Variants in TRMT44 observed in about 807,000 individuals in gnomAD.
The protein encoded by TRMT44 is tRNA methyltransferase 44 homolog.
In TRMT44, 78 loss-of-function variants were observed where a neutral mutation model predicts 77.3. That is an observed-to-expected ratio of 1.01 (90% CI 0.84 to 1.22). The LOEUF is 1.22. Ranked by LOEUF, TRMT44 falls within the 50% of genes most tolerant of loss-of-function variation. The pLI is 0.00. For missense variants in TRMT44, 1,090 were observed against 964.4 expected, an observed-to-expected ratio of 1.13 and a Z score of -1.73; for synonymous variants, 391 against 383.3, an observed-to-expected ratio of 1.02 and a Z score of -0.23.
At chr4:8,483,322 T>C (rs111508022) in intron 2 of TRMT44, among the ~76,000 whole-genome samples, 3,494 of 152,128 alleles carry the variant, frequency 0.023, 70 homozygotes, top group African/African-American at 0.054. Flanking sequence ...CAGTGTAAAC[T>C]GGCAGTGTAA....
intron 1 of TRMT44, among the ~76,000 whole-genome samples, chr4:8,441,847 A>G (rs1724732364): frequency 6.6e-6 from 1 of 152,210 alleles, no homozygotes; most frequent in Non-Finnish European, 1.5e-5. Flanking sequence ...CAATTGCAAA[A>G]TGGAGGCTGC....
At chr4:8,513,722 G>GT in the TRMT44 span, among the ~76,000 whole-genome samples, 1 of 152,110 alleles carries the variant, frequency 6.6e-6, no homozygotes, top group African/African-American at 2.4e-5. Flanking sequence ...ATGGATAAAG[G>GT]TTTTTAAAAA....
chr4:8,497,381 C>T (rs191688718), downstream of TRMT44, among the ~76,000 whole-genome samples: 121 of 152,230 alleles, frequency 7.9e-4, no homozygotes, highest in African/African-American at 2.0e-3. Flanking sequence ...CACGGTGGCT[C>T]ACGCCTGTAA....
chr4:8,440,843 C>G lies in TRMT44; in HGVS notation c.21C>G (p.Thr7=), dbSNP rs1392835462. ...CTGCCATGGCTGAGGTGGGCCGTAC[C>G]GGGATCAGCTACCCAGGCGCGCTTC... is the stretch of plus-strand genomic sequence containing the variant. MAEVGR[T]GISYPGALLP... The change falls in exon 1 of 11, where the codon ACC becomes ACG. Residue 7 remains threonine, a synonymous_variant. Transcript: ENST00000389737. The G allele has an allele frequency of 1.3e-6, 2 of 1,507,120 alleles. No homozygotes were observed. The highest frequency in any genetic ancestry group is 2.1e-5 in the Admixed American group (1 of 48,578). The allele number at this position is 1,507,120 out of a possible 1,614,324, so 93.4% of individuals were successfully genotyped here.
At chr4:8,471,058 GAAAA>G (rs752333810) in intron 9 of TRMT44, 22 bp from the exon 10 acceptor site, 2 of 1,333,828 alleles carry the variant, frequency 1.5e-6, no homozygotes, top group African/African-American at 1.5e-5. Flanking sequence ...TTGTTTTGGG[GAAAA>G]AAAAAACCCG....
chr4:8,441,608 G>C (rs1408711997), intron 1 of TRMT44, among the ~76,000 whole-genome samples, 167 bp downstream of exon 1: 3 of 152,344 alleles, frequency 2.0e-5, no homozygotes, highest in South Asian at 2.1e-4. Context: ...TGTGTCCTTA[G>C]TACAGAAGAT....
chr4:8,465,163 A>G (rs1726440885), intron 7 of TRMT44, among the ~76,000 whole-genome samples: 1 of 152,206 alleles, frequency 6.6e-6, no homozygotes, highest in East Asian at 1.9e-4. Flanking sequence ...AAACCTCAGC[A>G]TCTTGCAGTA....
downstream of TRMT44, chr4:8,479,220 C>T (rs368819433): frequency 1.3e-5 from 2 of 151,420 alleles, no homozygotes; most frequent in East Asian, 3.9e-4. Flanking sequence ...GACTTGCCCC[C>T]AGCTCATTTC....
chr4:8,452,058 G>C lies in TRMT44; in HGVS notation c.1023+30G>C. ...GGGTGTAAGCGACCTCAGCTTCTCT[G>C]GAGTGGGTGGAGTTTGCTACAGGCA... On this transcript the variant is annotated intron_variant, in intron 4 of 10. Coordinates refer to ENST00000389737, the MANE Select transcript of TRMT44 (RefSeq NM_152544.3). The surrounding 1 kb of genome is among the most constrained non-coding windows in gnomAD (Gnocchi z 5.7). The C allele has an allele frequency of 1.3e-6, 2 of 1,525,826 alleles. No individual in the cohort carries two copies. The highest frequency in any genetic ancestry group is 1.8e-6 in the Non-Finnish European group (2 of 1,137,324). 94.5% of individuals were successfully genotyped at this position (1,525,826 alleles called of 1,614,324 possible). A position where few individuals can be genotyped will look rare whatever the true frequency, so the allele number is the denominator to read the frequency against.
intron 6 of TRMT44, among the ~76,000 whole-genome samples, chr4:8,463,509 A>G (rs956436278): frequency 1.3e-5 from 2 of 151,804 alleles, no homozygotes; most frequent in Admixed American, 6.6e-5. Flanking sequence ...TTCTCTGTCT[A>G]TTCATAGACT....
intron 6 of TRMT44, 143 bp downstream of exon 6, chr4:8,454,956 A>G: frequency 1.3e-6 from 1 of 781,620 alleles, no homozygotes; most frequent in Non-Finnish European, 2.1e-6. Flanking sequence ...CTCTGAAATT[A>G]GAGAAGAGAA....
the TRMT44 span, among the ~76,000 whole-genome samples, chr4:8,510,107 C>G: frequency 0.017 from 2,557 of 152,240 alleles, 28 homozygotes; most frequent in Non-Finnish European, 0.027. Context: ...GCAGCTACAA[C>G]AAATCACCAG....
chr4:8,482,066 G>A (rs547444391), intron 2 of TRMT44, among the ~76,000 whole-genome samples: 2 of 152,352 alleles, frequency 1.3e-5, no homozygotes, highest in East Asian at 1.9e-4. Context: ...GGTCTGCAAA[G>A]CTTTTGCTAA....
chr4:8,494,312 C>T (rs1214911786), downstream of TRMT44, among the ~76,000 whole-genome samples: 1 of 152,170 alleles, frequency 6.6e-6, no homozygotes, highest in South Asian at 2.1e-4. Flanking sequence ...ATTTCACCCT[C>T]ACAATGTAAA....
Position 8,483,341 on chromosome 4 carries a change from A to T in TRMT44, n.3891+3808A>T, listed in dbSNP as rs528750665. ...GTAAACTGGCAGTGTAAACAAGAGC[A>T]GGGCATGTATGAGTAGTTGAGAACG... is the stretch of plus-strand genomic sequence containing the variant. On this transcript the variant is annotated intron_variant and non_coding_transcript_variant, in intron 2 of 2. Coordinates refer to the TRMT44 transcript ENST00000511366. 1.8e-4 allele frequency among the ~76,000 whole-genome samples: 27 copies of T among 152,222 alleles called. No individual in the cohort carries two copies. In the South Asian group the frequency reaches 5.4e-3, roughly 30 times the overall value.
At chr4:8,484,359 G>A (rs182481803) in intron 2 of TRMT44, among the ~76,000 whole-genome samples, 22 of 152,272 alleles carry the variant, frequency 1.4e-4, no homozygotes, top group Admixed American at 1.2e-3. Flanking sequence ...TGAAGGAGCC[G>A]GAGAGCAGAA....
At chr4:8,514,895 G>A in the TRMT44 span, among the ~76,000 whole-genome samples, 2 of 152,338 alleles carry the variant, frequency 1.3e-5, no homozygotes, top group South Asian at 2.1e-4. Context: ...GAGGAGACAG[G>A]GTGTGGAGCC....
downstream of TRMT44, among the ~76,000 whole-genome samples, chr4:8,496,759 G>A (rs1306339085): frequency 2.0e-5 from 3 of 151,864 alleles, no homozygotes; most frequent in South Asian, 2.1e-4. Context: ...CGCCTCTAGG[G>A]TAATTAGGAG....
At chr4:8,483,621 G>C (rs1727704544) in intron 2 of TRMT44, among the ~76,000 whole-genome samples, 1 of 152,178 alleles carries the variant, frequency 6.6e-6, no homozygotes, top group South Asian at 2.1e-4. Flanking sequence ...GTTTTTAAAA[G>C]ACCATTAGTC....
Sources: gnomAD v4.1 joint callset for allele counts (sites outside exome capture counted in the v4.1 genomes callset) on GRCh38, gnomAD v4.1.1 for gene constraint, Gnocchi (gnomAD v3.1) non-coding constraint, MANE v1.5 for transcripts, NCBI Gene and HGNC (gene_info 2026-07-23, HGNC 2026-07-21) for gene names.